EPM2A: variants seen among roughly 807,000 people sequenced by gnomAD.
EPM2A encodes laforin.
EPM2A carries 21 observed loss-of-function variants against 26.5 expected under a neutral mutation model. The observed-to-expected ratio is 0.79, with a 90% CI of 0.56 to 1.14. The LOEUF is 1.14. EPM2A is among the 50% of genes most tolerant of loss of function. The pLI is 0.00. For synonymous variants in EPM2A, 217 were observed against 177.6 expected, an observed-to-expected ratio of 1.22 and a Z score of -1.76; for missense variants, 458 against 440.8, an observed-to-expected ratio of 1.04 and a Z score of -0.35.
At chr6:145,450,589 G>A (rs1310269844) in intron 4 of EPM2A, among the ~76,000 whole-genome samples, 1 of 152,116 alleles carries the variant, frequency 6.6e-6, no homozygotes, top group African/African-American at 2.4e-5. Context: ...TGCATACTCT[G>A]ATCAGTAAGC....
intron 2 of EPM2A, among the ~76,000 whole-genome samples, chr6:145,663,074 T>C (rs941582002): frequency 2.0e-5 from 3 of 152,072 alleles, no homozygotes; most frequent in Non-Finnish European, 4.4e-5. Flanking sequence ...CTAATATAAT[T>C]AGGTTGGAAT....
At chr6:145,406,167 T>C (rs1582730782) in intron 4 of EPM2A, among the ~76,000 whole-genome samples, 1 of 152,126 alleles carries the variant, frequency 6.6e-6, no homozygotes, top group East Asian at 1.9e-4. Flanking sequence ...GCCACCAAAG[T>C]CTGCTGCTTT....
chr6:145,613,221 A>G (rs1306369645), intron 2 of EPM2A, among the ~76,000 whole-genome samples: 1 of 152,204 alleles, frequency 6.6e-6, no homozygotes, highest in Non-Finnish European at 1.5e-5. Flanking sequence ...TCATTCATAA[A>G]AAGCAACTTC....
intron 2 of EPM2A, chr6:145,502,580 A>C (rs533509892): frequency 2.1e-6 from 1 of 470,584 alleles, no homozygotes; most frequent in East Asian, 7.0e-5. Flanking sequence ...TCTCATCTGG[A>C]AAAAGGAGGA....
Position 145,626,654 on chromosome 6 carries a change from G to C in EPM2A, c.*762C>G. ...AAATATAGATTATTAACTCCAGCTT[G>C]CCCTTGACTGGTCATGAGACCTTGG... On this transcript the variant is annotated 3_prime_UTR_variant, in exon 4 of 4. Coordinates refer to ENST00000367519, the MANE Select transcript of EPM2A (RefSeq NM_005670.4). 2 of 977,994 alleles carry C rather than the reference G, an allele frequency of 2.0e-6. No homozygotes were observed. The allele number at this position is 977,994 out of a possible 1,614,324, so 60.6% of individuals were successfully genotyped here.
At chr6:145,389,425 C>CA (rs1384222008) in intron 4 of EPM2A, among the ~76,000 whole-genome samples, 4 of 152,018 alleles carry the variant, frequency 2.6e-5, no homozygotes, top group Admixed American at 6.6e-5. Flanking sequence ...TTCCTGACAT[C>CA]GGGTGATCTG....
At chr6:145,472,478 G>A (rs957525063) in intron 4 of EPM2A, among the ~76,000 whole-genome samples, 1 of 152,064 alleles carries the variant, frequency 6.6e-6, no homozygotes, top group Non-Finnish European at 1.5e-5. Context: ...CCTAATTCCA[G>A]GACTTGACCT....
intron 2 of EPM2A, among the ~76,000 whole-genome samples, chr6:145,642,826 A>C (rs562345636): frequency 2.0e-5 from 3 of 152,314 alleles, no homozygotes; most frequent in Non-Finnish European, 4.4e-5. Flanking sequence ...GAATGAGATA[A>C]ATATAAAATG....
intron 4 of EPM2A, among the ~76,000 whole-genome samples, chr6:145,412,587 C>T (rs889214423): frequency 2.0e-5 from 3 of 152,164 alleles, no homozygotes; most frequent in African/African-American, 4.8e-5. Flanking sequence ...CAATTATATA[C>T]TCATGCTTAG....
chr6:145,615,864 TAAG>T lies in EPM2A; in HGVS notation c.340+19378_340+19380del, dbSNP rs1775501591. On this transcript the variant is annotated intron_variant, in intron 2 of 3. Transcript: ENST00000450221. The stretch of plus-strand genomic sequence containing the variant: ...TAGGGTATCTGGCAGAAGAAATTTC[TAAG>T]AAGCAAAGCATTCAAGATGTGACTC... Among the ~76,000 whole-genome samples the T allele has an allele frequency of 2.0e-5, 3 of 152,086 alleles. 1 individual carries two copies. Among genetic ancestry groups the T allele is most frequent in the Admixed American group, 1.3e-4 (2 of 15,280 alleles).
At chr6:145,419,266 G>A (rs1197657585) in intron 4 of EPM2A, among the ~76,000 whole-genome samples, 2 of 150,390 alleles carry the variant, frequency 1.3e-5, no homozygotes, top group African/African-American at 2.4e-5. Flanking sequence ...TAACAGAAGC[G>A]TGTTATAGCC....
At chr6:145,660,541 C>T (rs1219742759) in intron 2 of EPM2A, among the ~76,000 whole-genome samples, 2 of 152,224 alleles carry the variant, frequency 1.3e-5, no homozygotes, top group Admixed American at 1.3e-4. Flanking sequence ...GTAGCTCACG[C>T]CTGTAGTCCC....
intron 4 of EPM2A, among the ~76,000 whole-genome samples, chr6:145,386,967 T>C (rs1361581913): frequency 6.6e-6 from 1 of 152,162 alleles, no homozygotes; most frequent in Non-Finnish European, 1.5e-5. Flanking sequence ...TAGGGGCAGA[T>C]AATGTCTTTG....
intron 1 of EPM2A, among the ~76,000 whole-genome samples, chr6:145,699,225 T>C (rs1483677136): frequency 2.7e-4 from 41 of 152,188 alleles, no homozygotes; most frequent in Admixed American, 2.6e-3. Context: ...ATAAAAGTTA[T>C]AGGAAGCCAT....
chr6:145,594,754 C>G (rs1020303986), intron 2 of EPM2A, among the ~76,000 whole-genome samples: 3 of 151,754 alleles, frequency 2.0e-5, no homozygotes, highest in Non-Finnish European at 4.4e-5. Context: ...AAATTATTTA[C>G]AGAACAGCCA....
intron 2 of EPM2A, among the ~76,000 whole-genome samples, chr6:145,680,567 G>C (rs1053239352): frequency 7.4e-5 from 11 of 148,262 alleles, no homozygotes; most frequent in African/African-American, 2.7e-4. Context: ...ACAGTCCCCA[G>C]AGTGTGATGT....
chr6:145,646,983 A>G (rs1275843059), intron 2 of EPM2A, among the ~76,000 whole-genome samples: 1 of 152,034 alleles, frequency 6.6e-6, no homozygotes, highest in Non-Finnish European at 1.5e-5. Flanking sequence ...ATAAAAGTCA[A>G]TTCCCTAAAG....
intron 1 of EPM2A, among the ~76,000 whole-genome samples, chr6:145,688,848 A>G (rs1465685333): frequency 6.6e-6 from 1 of 152,188 alleles, no homozygotes; most frequent in Non-Finnish European, 1.5e-5. Flanking sequence ...CATAGACTAC[A>G]AACTGGATAT....
chr6:145,733,968 C>T (rs1362910236), intron 1 of EPM2A, among the ~76,000 whole-genome samples: 4 of 152,152 alleles, frequency 2.6e-5, no homozygotes, highest in Non-Finnish European at 5.9e-5. Context: ...AAGAAAGGAG[C>T]TGTCTCAATT....
Sources: gnomAD v4.1 joint callset for allele counts (sites outside exome capture counted in the v4.1 genomes callset) on GRCh38, gnomAD v4.1.1 for gene constraint, MANE v1.5 for transcripts, NCBI Gene and HGNC (gene_info 2026-07-23, HGNC 2026-07-21) for gene names.